Variants in CFHR5 observed in about 807,000 individuals in gnomAD.
CFHR5 encodes the protein complement factor H-related protein 5.
Under a neutral mutation model 62.9 loss-of-function variants are expected in CFHR5, and 73 were observed. The observed-to-expected ratio is 1.16, with a 90% confidence interval of 0.96 to 1.41. The LOEUF is 1.41. Among genes scored for constraint, CFHR5 ranks in the 40% most tolerant of loss-of-function variants. CFHR5 has a pLI of 0.00. For synonymous variants in CFHR5, 249 were observed against 227.2 expected, an observed-to-expected ratio of 1.10 and a Z score of -0.86; for missense variants, 779 against 679.9, an observed-to-expected ratio of 1.15 and a Z score of -1.62.
chr1:196,998,199 G>C lies in CFHR5; in HGVS notation c.1042G>C (p.Glu348Gln), dbSNP rs1035811924. ...AACATTACTCAAGCTATCTGGGAAA[G>C]AATTTAATCATAATTCTAGAATACG... ...IKTLLKLSGK[E>Q]FNHNSRIRYR... is the part of the protein sequence containing the mutation. The change falls in exon 7 of 10, where the codon GAA becomes CAA. Residue 348 changes from glutamate (E) to glutamine (Q), a missense_variant. By Grantham distance (29) the Glu-to-Gln change is conservative (BLOSUM62 2). Coordinates refer to ENST00000256785, the MANE Select transcript of CFHR5 (RefSeq NM_030787.4). The C allele has an allele frequency of 6.2e-7, 1 of 1,606,376 alleles. No individual in the cohort carries two copies. The highest frequency in any genetic ancestry group is 8.5e-7 in the Non-Finnish European group (1 of 1,175,630).
At chr1:196,979,876 A>G (rs1239872744) in intron 1 of CFHR5, among the ~76,000 whole-genome samples, 1 of 152,178 alleles carries the variant, frequency 6.6e-6, no homozygotes, top group Non-Finnish European at 1.5e-5. Context: ...AAATTAATTT[A>G]TGATAAGCTT....
intron 1 of CFHR5, among the ~76,000 whole-genome samples, 184 bp downstream of exon 1, chr1:196,977,906 A>C (rs1448744104): frequency 6.6e-6 from 1 of 152,202 alleles, no homozygotes; most frequent in Admixed American, 6.5e-5. Context: ...AAATTGAATG[A>C]AATTAATTCT....
intron 3 of CFHR5, among the ~76,000 whole-genome samples, chr1:196,985,996 C>T (rs1435739352): frequency 6.6e-6 from 1 of 152,172 alleles, no homozygotes; most frequent in East Asian, 1.9e-4. Flanking sequence ...TGCTGCCTTT[C>T]CCTTTCTGCC....
intron 3 of CFHR5, among the ~76,000 whole-genome samples, chr1:196,992,981 CAATT>C (rs1405845137): frequency 6.6e-6 from 1 of 151,966 alleles, no homozygotes; most frequent in African/African-American, 2.4e-5. Context: ...TCTTGAATGT[CAATT>C]ATTTATTTTA....
intron 7 of CFHR5, among the ~76,000 whole-genome samples, chr1:197,001,375 T>A (rs890745440): frequency 3.3e-5 from 5 of 152,102 alleles, no homozygotes; most frequent in African/African-American, 7.2e-5. Context: ...GACCTCAGGT[T>A]CTGTTCAAAT....
At chr1:196,987,678 T>A (rs140807453) in intron 3 of CFHR5, among the ~76,000 whole-genome samples, 2,054 of 152,260 alleles carry the variant, frequency 0.013, 45 homozygotes, top group African/African-American at 0.045. Flanking sequence ...GTTGTAGATG[T>A]GTGGTGTTAT....
intron 3 of CFHR5, among the ~76,000 whole-genome samples, chr1:196,988,026 G>T (rs1320126942): frequency 6.6e-6 from 1 of 152,102 alleles, no homozygotes; most frequent in African/African-American, 2.4e-5. Flanking sequence ...CCATTTGTTT[G>T]TGTCCTCTTT....
intron 3 of CFHR5, among the ~76,000 whole-genome samples, chr1:196,993,494 A>C (rs1456470230): frequency 6.6e-6 from 1 of 151,974 alleles, no homozygotes; most frequent in Non-Finnish European, 1.5e-5. Flanking sequence ...GCAGGGTTTC[A>C]CCATGTTGGC....
At chr1:197,003,089 G>C (rs1654195353) in intron 8 of CFHR5, among the ~76,000 whole-genome samples, 1 of 152,116 alleles carries the variant, frequency 6.6e-6, no homozygotes, top group Non-Finnish European at 1.5e-5. Context: ...ATGGACTGAG[G>C]AGGTTGGGGG....
intron 3 of CFHR5, among the ~76,000 whole-genome samples, chr1:196,991,257 C>T (rs1653841573): frequency 6.6e-6 from 1 of 152,080 alleles, no homozygotes; most frequent in Non-Finnish European, 1.5e-5. Context: ...TCTAGTTAGC[C>T]ATCCATCTAA....
intron 9 of CFHR5, among the ~76,000 whole-genome samples, chr1:197,005,330 A>G (rs962932428): frequency 1.6e-4 from 25 of 152,166 alleles, no homozygotes; most frequent in Non-Finnish European, 3.7e-4. Context: ...GGAGAGATAG[A>G]AAATCTGGAA....
intron 1 of CFHR5, among the ~76,000 whole-genome samples, chr1:196,979,256 C>CTGTGTGTGTGTGTG (rs57862148): frequency 1.4e-3 from 212 of 148,572 alleles, no homozygotes; most frequent in African/African-American, 4.7e-3. Context: ...AGGTAATTGT[C>CTGTGTGTGTGTGTG]TGTGTGTGTG....
intron 9 of CFHR5, among the ~76,000 whole-genome samples, chr1:197,006,136 G>A (rs1317429625): frequency 6.6e-6 from 1 of 152,140 alleles, no homozygotes; most frequent in African/African-American, 2.4e-5. Flanking sequence ...ATCATGGCCA[G>A]TGATCATAAA....
rs184183762 is a variant in CFHR5 at position 197,003,035 on chromosome 1, C to T, written c.1330+371C>T. ...TGTGGCCTAGGACAGCAATACCCAA[C>T]CTTTTTAGCATCAGGGACATGTTTT... On this transcript the variant is annotated intron_variant, in intron 8 of 9. Coordinates refer to ENST00000256785, the MANE Select transcript of CFHR5 (RefSeq NM_030787.4). 4.6e-3 allele frequency among the ~76,000 whole-genome samples: 702 copies of T among 152,252 alleles called. 10 individuals carry two copies. Among genetic ancestry groups the T allele is most frequent in the African/African-American group, 0.016 (660 of 41,524 alleles).
chr1:196,979,880 T>C (rs1352228567), intron 1 of CFHR5, among the ~76,000 whole-genome samples: 2 of 152,174 alleles, frequency 1.3e-5, no homozygotes, highest in Non-Finnish European at 1.5e-5. Context: ...TAATTTATGA[T>C]AAGCTTTCTA....
chr1:197,003,362 G>C (rs1390571477), intron 8 of CFHR5, among the ~76,000 whole-genome samples: 2 of 152,066 alleles, frequency 1.3e-5, no homozygotes, highest in African/African-American at 4.8e-5. Flanking sequence ...GGGACAATAG[G>C]AGCAATAGGC....
rs1654245199 is a variant in CFHR5, at chr1:197,004,851, C to T, written c.1513+8C>T. ...AACCACCAAGATGCCTAGGTGAGTT[C>T]TTAATATTCTCTTGGAATCTGAGAT... On this transcript the variant is annotated splice_region_variant and intron_variant, in intron 9 of 9. Transcript: ENST00000256785. The T allele has an allele frequency of 1.9e-6, 3 of 1,593,368 alleles. No homozygotes were observed. The highest frequency in any genetic ancestry group is 2.6e-6 in the Non-Finnish European group (3 of 1,161,396).
chr1:197,006,314 C>G (rs982487187), intron 9 of CFHR5, among the ~76,000 whole-genome samples: 2 of 152,072 alleles, frequency 1.3e-5, no homozygotes, highest in Non-Finnish European at 2.9e-5. Flanking sequence ...AAAAACCCAT[C>G]ATAGATATCT....
chr1:196,982,823 A>C, intron 1 of CFHR5, 62 bp from the exon 2 acceptor site: 1 of 1,456,330 alleles, frequency 6.9e-7, no homozygotes, highest in South Asian at 1.2e-5. Context: ...CTAAAATATA[A>C]TCTAGTGATT....
Sources: gnomAD v4.1 joint callset for allele counts (sites outside exome capture counted in the v4.1 genomes callset) on GRCh38, gnomAD v4.1.1 for gene constraint, MANE v1.5 for transcripts, NCBI Gene and HGNC (gene_info 2026-07-23, HGNC 2026-07-21) for gene names.